The following KCNAB1 variants were observed in gnomAD, a reference collection of about 807,000 sequenced individuals.
KCNAB1 encodes voltage-gated potassium channel subunit beta-1.
A neutral mutation model predicts 64.6 loss-of-function variants in KCNAB1; 35 were observed. The ratio of observed to expected loss-of-function variants is 0.54; its 90% confidence interval spans 0.41 to 0.72. KCNAB1 has a LOEUF of 0.72. Ranked by LOEUF, KCNAB1 falls within the 30% of genes least tolerant of loss-of-function variation. KCNAB1 has a pLI of 0.00. For synonymous variants in KCNAB1, 177 were observed against 183.8 expected (o/e 0.96, Z 0.30); for missense variants, 401 against 512.9 (o/e 0.78, Z 2.11).
At chr3:156,416,933 T>C (rs1715118911) in intron 1 of KCNAB1, among the ~76,000 whole-genome samples, 1 of 152,242 alleles carries the variant, frequency 6.6e-6, no homozygotes, top group African/African-American at 2.4e-5. Context: ...TTCTACTTTG[T>C]TGCTATTTTT....
At chr3:156,178,748 T>A (rs2108340897) in intron 1 of KCNAB1, among the ~76,000 whole-genome samples, 1 of 152,250 alleles carries the variant, frequency 6.6e-6, no homozygotes, top group African/African-American at 2.4e-5. Context: ...ACGCCTGTAA[T>A]CCTAGCACTT....
At chr3:156,507,059 A>G (rs1303365877) in intron 8 of KCNAB1, among the ~76,000 whole-genome samples, 1 of 152,156 alleles carries the variant, frequency 6.6e-6, no homozygotes, top group African/African-American at 2.4e-5. Flanking sequence ...TCTCTCCCCA[A>G]ACCATCTTCT....
At chr3:156,414,320 T>G (rs998535035) in intron 1 of KCNAB1, among the ~76,000 whole-genome samples, 4 of 152,182 alleles carry the variant, frequency 2.6e-5, no homozygotes, top group Admixed American at 1.3e-4. Context: ...TTACATAAAA[T>G]ACACAGGATC....
intron 1 of KCNAB1, among the ~76,000 whole-genome samples, chr3:156,329,884 AAATGC>A (rs1242353201): frequency 6.6e-6 from 1 of 152,170 alleles, no homozygotes; most frequent in Non-Finnish European, 1.5e-5. Flanking sequence ...ATTTAGAAGT[AAATGC>A]TTTCCTTTTT....
At chr3:156,287,393 A>G (rs1720158895) in intron 1 of KCNAB1, among the ~76,000 whole-genome samples, 2 of 152,014 alleles carry the variant, frequency 1.3e-5, no homozygotes, top group Admixed American at 6.6e-5. Context: ...CCACAAAACA[A>G]GAGGAAATCA....
intron 1 of KCNAB1, among the ~76,000 whole-genome samples, chr3:156,211,382 G>C (rs1270073307): frequency 6.6e-6 from 1 of 152,196 alleles, no homozygotes; most frequent in Non-Finnish European, 1.5e-5. Flanking sequence ...ATGCAAACAT[G>C]CATTAGTTTT....
intron 1 of KCNAB1, among the ~76,000 whole-genome samples, chr3:156,329,821 A>G (rs1723217078): frequency 6.6e-6 from 1 of 152,166 alleles, no homozygotes; most frequent in Non-Finnish European, 1.5e-5. Context: ...TCTCCTTTGA[A>G]TATCTTCCAT....
At chr3:156,206,905 T>G (rs1285936002) in intron 1 of KCNAB1, among the ~76,000 whole-genome samples, 2 of 152,076 alleles carry the variant, frequency 1.3e-5, no homozygotes, top group Non-Finnish European at 2.9e-5. Context: ...CAAGAAAAAA[T>G]CAGGAATTTC....
At chr3:156,224,236 C>T (rs960210354) in intron 1 of KCNAB1, among the ~76,000 whole-genome samples, 1 of 152,206 alleles carries the variant, frequency 6.6e-6, no homozygotes, top group Non-Finnish European at 1.5e-5. Flanking sequence ...GCCCACTGAG[C>T]CCACGCCCAC....
At chr3:156,319,994 A>C (rs1722546491) in intron 1 of KCNAB1, among the ~76,000 whole-genome samples, 1 of 152,210 alleles carries the variant, frequency 6.6e-6, no homozygotes, top group African/African-American at 2.4e-5. Flanking sequence ...CATCCTATCC[A>C]CATAATCAGC....
chr3:156,472,207 C>T (rs1576910869), intron 7 of KCNAB1, among the ~76,000 whole-genome samples: 2 of 152,306 alleles, frequency 1.3e-5, no homozygotes, highest in South Asian at 4.1e-4. Context: ...CTAATCTCCA[C>T]ACCCTATGTC....
intron 1 of KCNAB1, among the ~76,000 whole-genome samples, chr3:156,328,819 T>C (rs1723148315): frequency 6.6e-6 from 1 of 152,202 alleles, no homozygotes; most frequent in Non-Finnish European, 1.5e-5. Flanking sequence ...AGGCTTTGAG[T>C]AAGTTCTTAA....
chr3:156,283,133 C>T lies in KCNAB1; in HGVS notation c.276-138483C>T, dbSNP rs565634673. ...TGTTCCTTTCCATGTTTAGTGCTTCCTTCAGGAGCTCTTGTAAGGCAGGCC... is the reference window on the plus strand; with the variant it reads ...TGTTCCTTTCCATGTTTAGTGCTTCTTTCAGGAGCTCTTGTAAGGCAGGCC... On this transcript the variant is annotated intron_variant, in intron 1 of 13. Transcript: ENST00000490337. 3.6e-3 allele frequency among the ~76,000 whole-genome samples: 544 copies of T among 151,936 alleles called. 2 individuals carry two copies. Among genetic ancestry groups the T allele is most frequent in the African/African-American group, 0.013 (521 of 41,362 alleles).
At chr3:156,461,285 G>T (rs1249786147) in intron 5 of KCNAB1, among the ~76,000 whole-genome samples, 1 of 152,176 alleles carries the variant, frequency 6.6e-6, no homozygotes, top group East Asian at 1.9e-4. Flanking sequence ...TTCAGGGTTG[G>T]CAGGGCCATG....
chr3:156,344,692 A>C (rs765588963), intron 1 of KCNAB1, among the ~76,000 whole-genome samples: 3 of 152,202 alleles, frequency 2.0e-5, no homozygotes, highest in Non-Finnish European at 4.4e-5. Flanking sequence ...ATGGTCCGAG[A>C]ATTACATTTT....
chr3:156,270,763 A>G (rs1718992621), intron 1 of KCNAB1, among the ~76,000 whole-genome samples: 1 of 152,268 alleles, frequency 6.6e-6, no homozygotes, highest in Middle Eastern at 3.4e-3. Flanking sequence ...CTGTGTACTT[A>G]CTATTACCAG....
At chr3:156,190,902 AG>A (rs1479474863) in intron 1 of KCNAB1, among the ~76,000 whole-genome samples, 3 of 152,188 alleles carry the variant, frequency 2.0e-5, no homozygotes, top group Non-Finnish European at 4.4e-5. Flanking sequence ...CACGTTGGCC[AG>A]GCTGGTCTCA....
At chr3:156,373,444 G>A (rs1050975498) in intron 1 of KCNAB1, among the ~76,000 whole-genome samples, 1 of 152,164 alleles carries the variant, frequency 6.6e-6, no homozygotes, top group African/African-American at 2.4e-5. Flanking sequence ...AAGAGTCAAG[G>A]CCTCTCAGGT....
intron 1 of KCNAB1, among the ~76,000 whole-genome samples, chr3:156,132,654 G>C (rs1207029126): frequency 2.0e-5 from 3 of 152,210 alleles, no homozygotes; most frequent in Non-Finnish European, 2.9e-5. Flanking sequence ...AGAGCCAGGA[G>C]AGCTCACTAA....
Sources: gnomAD v4.1 joint callset for allele counts (sites outside exome capture counted in the v4.1 genomes callset) on GRCh38, gnomAD v4.1.1 for gene constraint, MANE v1.5 for transcripts, NCBI Gene and HGNC (gene_info 2026-07-23, HGNC 2026-07-21) for gene names.